The following RNASEH1 variants were observed in gnomAD, a reference collection of about 807,000 sequenced individuals.
RNASEH1 encodes the protein ribonuclease H1.
In RNASEH1, 27 loss-of-function variants were observed where a neutral mutation model predicts 34.6. The observed-to-expected ratio is 0.78, with a 90% CI of 0.58 to 1.08. The LOEUF (loss-of-function observed/expected upper bound fraction) is 1.08. RNASEH1 is among the 50% of genes least tolerant of loss of function. The pLI is 0.00. For synonymous variants in RNASEH1, 162 were observed against 138.4 expected (o/e 1.17, Z -1.20); for missense variants, 349 against 373.6 (o/e 0.93, Z 0.54).
intron 4 of RNASEH1, among the ~76,000 whole-genome samples, chr2:3,549,467 G>C (rs1669077244): frequency 6.6e-6 from 1 of 152,164 alleles, no homozygotes; most frequent in Non-Finnish European, 1.5e-5. Context: ...AGTAAAAGAG[G>C]AAAATGAAAT....
In RNASEH1 at chr2:3,542,594, A is replaced by ATT. The variant is rs140065844; in HGVS notation, c.*3189_*3190dup. 3.8e-4 allele frequency among the ~76,000 whole-genome samples: 58 copies of ATT among 152,284 alleles called. 1 individual carries two copies. The East Asian group carries it at 0.01, about 27-fold the overall frequency. On this transcript the variant is annotated 3_prime_UTR_variant, in exon 8 of 8. Transcript: ENST00000315212. The stretch of plus-strand genomic sequence containing the variant: ...GAGTCAATGGTGGTAAAAAGGAGCA[A>ATT]TTTTTCTGACAACGTAGACACAGTG...
At chr2:3,532,580 T>C in the RNASEH1 span, among the ~76,000 whole-genome samples, 2 of 152,240 alleles carry the variant, frequency 1.3e-5, no homozygotes, top group East Asian at 3.9e-4. Context: ...TATAAACCTG[T>C]ACAGCAGGTC....
chr2:3,548,160 C>T (rs1668935744), intron 6 of RNASEH1, 105 bp from the exon 7 acceptor site: 1 of 1,339,312 alleles, frequency 7.5e-7, no homozygotes, highest in Non-Finnish European at 1.0e-6. Flanking sequence ...TCTGAGTCAC[C>T]ATCCTTGACT....
In RNASEH1 at chr2:3,545,539, G is replaced by A. The variant is rs1234664993; in HGVS notation, c.*246C>T. On this transcript the variant is annotated 3_prime_UTR_variant, in exon 8 of 8. Transcript: ENST00000315212. Reference sequence around the variant, plus strand: ...CAATAAAACAAGCAAGGACAGTATTGAACCCAGTAAACATAATGTGGAAAT... The same window carrying A: ...CAATAAAACAAGCAAGGACAGTATTAAACCCAGTAAACATAATGTGGAAAT... 2 of 529,468 alleles carry A rather than the reference G, an allele frequency of 3.8e-6. No individual in the cohort carries two copies. The highest frequency in any genetic ancestry group is 3.8e-5 in the African/African-American group (2 of 52,778). 32.8% of individuals were successfully genotyped at this position (529,468 alleles called of 1,614,324 possible).
chr2:3,553,519 A>G (rs1660192668), intron 2 of RNASEH1, among the ~76,000 whole-genome samples: 1 of 151,758 alleles, frequency 6.6e-6, no homozygotes, highest in African/African-American at 2.4e-5. Context: ...CCTCCCAAGT[A>G]GCTGGGATTA....
At chr2:3,557,085 T>C (rs1332749418) in intron 1 of RNASEH1, among the ~76,000 whole-genome samples, 181 bp from the exon 2 acceptor site, 2 of 152,250 alleles carry the variant, frequency 1.3e-5, no homozygotes, top group East Asian at 1.9e-4. Flanking sequence ...TTGCATAAAA[T>C]GGTGTATTTG....
downstream of RNASEH1, among the ~76,000 whole-genome samples, chr2:3,540,291 T>C (rs1313061967): frequency 1.4e-5 from 2 of 144,732 alleles, no homozygotes; most frequent in East Asian, 3.9e-4. Context: ...TGATTCTCAG[T>C]AATATATTTT....
At chr2:3,539,163 G>A (rs1023379556), downstream of RNASEH1, among the ~76,000 whole-genome samples, 2 of 151,688 alleles carry the variant, frequency 1.3e-5, no homozygotes, top group African/African-American at 2.4e-5. Flanking sequence ...TTATTTATAC[G>A]TAGTCTTCTT....
At position 3,549,042 on chromosome 2, in the gene RNASEH1, G is replaced by T; in HGVS notation, c.564+16C>A. ...ATGCTCAAAAAAGAGAGGCTTAAACGTATCTGATAACTTACATGAATTTCC... is the reference window on the plus strand; with the variant it reads ...ATGCTCAAAAAAGAGAGGCTTAAACTTATCTGATAACTTACATGAATTTCC... On this transcript the variant is annotated intron_variant, in intron 5 of 7. Transcript: ENST00000315212. 1 of 1,603,602 alleles carries T rather than the reference G, an allele frequency of 6.2e-7. No homozygotes were observed. Among genetic ancestry groups the T allele is most frequent in the South Asian group, 1.1e-5 (1 of 90,742 alleles).
chr2:3,549,134 G>C (rs1363271018), intron 4 of RNASEH1, 22 bp from the exon 5 acceptor site: 2 of 1,581,066 alleles, frequency 1.3e-6, no homozygotes, highest in African/African-American at 1.3e-5. Context: ...CAGTACAAAA[G>C]AAAATAAAAG....
intron 7 of RNASEH1, among the ~76,000 whole-genome samples, chr2:3,546,715 G>C (rs192887119): frequency 3.9e-5 from 6 of 152,272 alleles, no homozygotes; most frequent in Non-Finnish European, 7.4e-5. Context: ...TGGTTGCAGC[G>C]AGCCGAGATT....
In RNASEH1 at chr2:3,544,528, T is replaced by TA. The variant is rs979593254; in HGVS notation, c.*1256dup. Among the ~76,000 whole-genome samples the TA allele has an allele frequency of 4.6e-5, 7 of 152,134 alleles. No homozygotes were observed. Among genetic ancestry groups the TA allele is most frequent in the Non-Finnish European group, 7.4e-5 (5 of 68,022 alleles). On this transcript the variant is annotated 3_prime_UTR_variant, in exon 8 of 8. Coordinates refer to ENST00000315212, the MANE Select transcript of RNASEH1 (RefSeq NM_002936.6). ...CAAAAAACCAAGAAAGTCATTTCTG[T>TA]AAAAGTCAGGATTACTTGTTGGGGC...
downstream of RNASEH1, chr2:3,536,968 C>T (rs1454411872): frequency 7.9e-5 from 12 of 152,248 alleles, no homozygotes; most frequent in Admixed American, 7.9e-4. Context: ...GGACACCCAT[C>T]CCATCGGGTC....
At position 3,558,294 on chromosome 2, in the gene RNASEH1, C is replaced by T. The variant is rs376458512; in HGVS notation, c.-34G>A. 8.0e-6 allele frequency: 12 copies of T among 1,508,906 alleles called. No homozygotes were observed. The African/African-American group carries it at 1.4e-4, about 18-fold the overall frequency. The allele number at this position is 1,508,906 out of a possible 1,614,324, so 93.5% of individuals were successfully genotyped here. A position where few individuals can be genotyped will look rare whatever the true frequency, so the allele number is the denominator to read the frequency against. On this transcript the variant is annotated 5_prime_UTR_variant, in exon 1 of 8. Transcript: ENST00000315212. ...CCCGGCACCGGGAAGCATTTCGACT[C>T]CCGGCCCAGCGTGGGCGCGAGCCGC...
intron 1 of RNASEH1, chr2:3,557,614 A>T (rs558904992): frequency 1.4e-5 from 5 of 350,886 alleles, no homozygotes; most frequent in Admixed American, 3.9e-5. Flanking sequence ...TGTCAGTTAC[A>T]TGCCCTGGGA....
intron 3 of RNASEH1, among the ~76,000 whole-genome samples, chr2:3,551,028 C>G (rs1053018399): frequency 6.6e-6 from 1 of 152,194 alleles, no homozygotes; most frequent in South Asian, 2.1e-4. Context: ...AAAGGACTGA[C>G]GGGGGCATTC....
downstream of RNASEH1, among the ~76,000 whole-genome samples, chr2:3,537,716 G>A (rs1668055945): frequency 6.6e-6 from 1 of 150,958 alleles, no homozygotes; most frequent in Non-Finnish European, 1.5e-5. Flanking sequence ...GCAAGACCGT[G>A]TCTCAAAAGA....
Position 3,556,826 on chromosome 2 carries a change from G to A in RNASEH1, c.207C>T (p.Ala69=). 6.2e-7 allele frequency: 1 copy of A among 1,614,010 alleles called. No individual in the cohort carries two copies. The highest frequency in any genetic ancestry group is 8.5e-7 in the Non-Finnish European group (1 of 1,179,860). ...KKFATEDEAW[A]FVRKSASPEV... ...CCGGGCTTGCAGATTTCCTGACAAA[G>A]GCCCAGGCCTCATCCTCTGTGGCAA... Residue 69 remains alanine (A), a synonymous_variant, in exon 2 of 8, where the codon GCC becomes GCT. Coordinates refer to ENST00000315212, the MANE Select transcript of RNASEH1 (RefSeq NM_002936.6).
chr2:3,537,471 C>T (rs1668043394), downstream of RNASEH1, among the ~76,000 whole-genome samples: 1 of 152,124 alleles, frequency 6.6e-6, no homozygotes. Context: ...GGCTCTAACC[C>T]CAGCGTGTTG....
Sources: allele counts gnomAD v4.1 joint callset (sites outside exome capture counted in the v4.1 genomes callset), GRCh38; gene constraint gnomAD v4.1.1; transcripts MANE v1.5; gene names NCBI Gene and HGNC (gene_info 2026-07-23, HGNC 2026-07-21).